Variants in SBF2 observed in about 807,000 individuals in gnomAD.
SBF2 encodes the protein myotubularin-related protein 13.
A neutral mutation model predicts 225.2 loss-of-function variants in SBF2; 112 were observed. The ratio of observed to expected loss-of-function variants is 0.50; its 90% CI spans 0.43 to 0.58. SBF2 has a LOEUF of 0.58. Ranked by LOEUF, SBF2 falls within the 20% of genes least tolerant of loss-of-function variation. SBF2 has a pLI of 0.00. For missense variants in SBF2, 1,996 were observed against 2,206.2 expected, an observed-to-expected ratio of 0.90 and a Z score of 1.91; for synonymous variants, 763 against 773.3, an observed-to-expected ratio of 0.99 and a Z score of 0.22.
chr11:9,847,009 G>C lies in SBF2; in HGVS notation c.2881C>G (p.Gln961Glu). Residue 961 changes from glutamine (Q) to glutamate (E), a missense_variant, in exon 23 of 40, where the codon CAG (glutamine) becomes GAG (glutamate). Physicochemically the swap from Gln to Glu is conservative, Grantham distance 29 (BLOSUM62 2). Coordinates refer to ENST00000256190, the MANE Select transcript of SBF2 (RefSeq NM_030962.4). The stretch of plus-strand genomic sequence containing the variant: ...CCTTCTTGCATGTTCTGCTGTAGCT[G>C]GTTCTGCATTGTAATCTTCTTCTCC... The part of the protein sequence containing the change: ...TKEKKITMQN[Q>E]LQQNMQEGLQ... 6.2e-7 allele frequency: 1 copy of C among 1,613,772 alleles called. No homozygotes were observed. The highest frequency in any genetic ancestry group is 8.5e-7 in the Non-Finnish European group (1 of 1,179,706).
chr11:10,266,737 G>A lies in SBF2; in HGVS notation c.55+27278C>T, dbSNP rs570713209. On this transcript the variant is annotated intron_variant, in intron 1 of 39. Transcript: ENST00000256190. The stretch of plus-strand genomic sequence containing the variant: ...GCTCCAATTTTAACATGAGGGATAT[G>A]GACCACATTTCCCAGGATAAGTTTT... Among the ~76,000 whole-genome samples, 8 of 152,302 alleles carry A rather than the reference G, an allele frequency of 5.3e-5. No individual in the cohort carries two copies. In the East Asian group the frequency reaches 1.5e-3, roughly 29 times the overall value.
At chr11:9,924,934 A>C (rs1863914364) in intron 16 of SBF2, among the ~76,000 whole-genome samples, 1 of 151,908 alleles carries the variant, frequency 6.6e-6, no homozygotes, top group South Asian at 2.1e-4. Flanking sequence ...TGTTTTGCAG[A>C]GATGAGGTCT....
intron 1 of SBF2, among the ~76,000 whole-genome samples, chr11:10,267,651 C>G (rs1231413321): frequency 6.6e-6 from 1 of 151,434 alleles, no homozygotes; most frequent in African/African-American, 2.4e-5. Context: ...TGGGATGGAG[C>G]TGAGTGGCTA....
intron 2 of SBF2, among the ~76,000 whole-genome samples, chr11:10,181,857 AG>A (rs1956749109): frequency 6.6e-6 from 1 of 152,176 alleles, no homozygotes; most frequent in African/African-American, 2.4e-5. Flanking sequence ...TTGATTAATG[AG>A]CTTTTAGTTC....
At chr11:9,919,267 C>CTTTT (rs138526429) in intron 16 of SBF2, among the ~76,000 whole-genome samples, 3 of 123,696 alleles carry the variant, frequency 2.4e-5, no homozygotes, top group Admixed American at 8.1e-5. Context: ...TCTTCTTCTT[C>CTTTT]TTCTTTTTTT....
intron 21 of SBF2, among the ~76,000 whole-genome samples, chr11:9,851,442 A>G (rs1216287285): frequency 6.6e-6 from 1 of 152,206 alleles, no homozygotes. Context: ...GAAAACAAAA[A>G]ATATGGACGA....
intron 1 of SBF2, among the ~76,000 whole-genome samples, chr11:10,208,392 C>A (rs1957816007): frequency 6.6e-6 from 1 of 152,056 alleles, no homozygotes; most frequent in Non-Finnish European, 1.5e-5. Context: ...GCAAAGAACT[C>A]CCGGCTACTT....
chr11:10,081,043 C>T lies in SBF2; in HGVS notation c.142-38062G>A, dbSNP rs1035857273. On this transcript the variant is annotated intron_variant, in intron 2 of 39. Coordinates refer to ENST00000256190, the MANE Select transcript of SBF2 (RefSeq NM_030962.4). ...TGTCAGCACACCACTGACAGCACTACGCAGAGTATCATGACAGAAAATTAA... is the reference window on the plus strand; with the variant it reads ...TGTCAGCACACCACTGACAGCACTATGCAGAGTATCATGACAGAAAATTAA... 1.6e-4 allele frequency among the ~76,000 whole-genome samples: 25 copies of T among 152,182 alleles called. No individual in the cohort carries two copies. The East Asian group carries it at 3.3e-3, about 20-fold the overall frequency.
intron 17 of SBF2, among the ~76,000 whole-genome samples, chr11:9,885,344 A>G (rs1273127061): frequency 1.3e-5 from 2 of 150,368 alleles, no homozygotes; most frequent in South Asian, 2.1e-4. Context: ...AATACTCTTC[A>G]GTGGCTCATG....
chr11:10,058,998 T>A (rs1435269212), intron 2 of SBF2, among the ~76,000 whole-genome samples: 2 of 152,126 alleles, frequency 1.3e-5, no homozygotes, highest in African/African-American at 4.8e-5. Context: ...TTACAAGAGA[T>A]CTTGAAAGGA....
intron 2 of SBF2, among the ~76,000 whole-genome samples, chr11:10,146,048 C>A (rs1442432820): frequency 1.3e-5 from 2 of 152,026 alleles, no homozygotes; most frequent in African/African-American, 4.8e-5. Flanking sequence ...ATGAGAATTA[C>A]AAAACACTGC....
intron 1 of SBF2, among the ~76,000 whole-genome samples, chr11:10,205,137 T>C (rs1297259814): frequency 6.6e-6 from 1 of 151,994 alleles, no homozygotes; most frequent in African/African-American, 2.4e-5. Flanking sequence ...TTAACAAACC[T>C]ACACGTCCTG....
chr11:9,866,917 T>C (rs905272805), intron 17 of SBF2, among the ~76,000 whole-genome samples: 3 of 152,092 alleles, frequency 2.0e-5, no homozygotes, highest in East Asian at 3.8e-4. Flanking sequence ...GGGCAAATGA[T>C]TGAGCAGACA....
rs114839414 is a variant in SBF2, at chr11:9,865,127, G to A, written c.1930-6731C>T. On this transcript the variant is annotated intron_variant, in intron 17 of 39. Transcript: ENST00000256190. ...ATAGGGGTCTCACTATGATGCCTAG[G>A]CTGGACAACTTTATACAAGTAGTAC... Among the ~76,000 whole-genome samples the A allele has an allele frequency of 3.9e-3, 588 of 152,124 alleles. 2 individuals carry two copies. Among genetic ancestry groups the A allele is most frequent in the African/African-American group, 0.014 (565 of 41,494 alleles).
At chr11:9,845,453 AG>A in intron 24 of SBF2, 111 bp downstream of exon 24, 2 of 983,156 alleles carry the variant, frequency 2.0e-6, no homozygotes, top group Non-Finnish European at 3.2e-6. Context: ...TGACAGAAAC[AG>A]AACAGTGAAT....
At chr11:9,908,890 G>A (rs1179732106) in intron 16 of SBF2, among the ~76,000 whole-genome samples, 10 of 146,756 alleles carry the variant, frequency 6.8e-5, no homozygotes, top group Non-Finnish European at 1.3e-4. Context: ...GTTCCGCCAC[G>A]TTGCTCAGGC....
intron 16 of SBF2, among the ~76,000 whole-genome samples, chr11:9,898,787 T>C (rs536519235): frequency 6.6e-6 from 1 of 152,314 alleles, no homozygotes; most frequent in East Asian, 1.9e-4. Flanking sequence ...TCCTATATTA[T>C]GCTAAAAATA....
At position 9,987,878 on chromosome 11, in the gene SBF2, G is replaced by A. The variant is rs575947136; in HGVS notation, c.1395+1619C>T. ...CTACAAATTCAATGCAATCCTCATCGGAATACCATCATCATTCTTCACAGA... is the reference window on the plus strand; with the variant it reads ...CTACAAATTCAATGCAATCCTCATCAGAATACCATCATCATTCTTCACAGA... On this transcript the variant is annotated intron_variant, in intron 13 of 39. Transcript: ENST00000256190. 1.0e-3 allele frequency among the ~76,000 whole-genome samples: 154 copies of A among 152,044 alleles called. 1 individual carries two copies. The highest frequency in any genetic ancestry group is 3.5e-3 in the African/African-American group (144 of 41,514).
At position 9,993,090 on chromosome 11, in the gene SBF2, C is replaced by A. The variant is rs188588431; in HGVS notation, c.1067G>T (p.Arg356Leu). 2 of 1,609,622 alleles carry A rather than the reference C, an allele frequency of 1.2e-6. No homozygotes were observed. The highest frequency in any genetic ancestry group is 4.5e-5 in the East Asian group (2 of 44,752). The change falls in exon 11 of 40, where the codon CGA becomes CTA. Residue 356 changes from arginine (R) to leucine (L), a missense_variant. Arg to Leu is a moderately radical substitution (Grantham distance 102). Coordinates refer to ENST00000256190, the MANE Select transcript of SBF2 (RefSeq NM_030962.4). ...TGCAAATAATCTAAGGAAAACGGCT[C>A]GCACCTCTTTATCCTAAAAATATAA... The part of the protein sequence containing the change: ...SHSKMLDKEV[R>L]AVFLRLFAQL...
Sources: allele counts gnomAD v4.1 joint callset (sites outside exome capture counted in the v4.1 genomes callset), GRCh38; gene constraint gnomAD v4.1.1; transcripts MANE v1.5; gene names NCBI Gene and HGNC (gene_info 2026-07-23, HGNC 2026-07-21).